The following NKAIN3 variants were observed in gnomAD, a reference collection of about 807,000 sequenced individuals.
The protein encoded by NKAIN3 is sodium/potassium-transporting ATPase subunit beta-1-interacting protein 3.
NKAIN3 carries 25 observed loss-of-function variants against 30.2 expected under a neutral mutation model. The ratio of observed to expected loss-of-function variants is 0.83; its 90% CI spans 0.60 to 1.16. NKAIN3 has a LOEUF of 1.16. Among genes scored for constraint, NKAIN3 ranks in the 50% most tolerant of loss-of-function variants. NKAIN3 has a pLI of 0.00. For synonymous variants in NKAIN3, 91 were observed against 89.6 expected (o/e 1.02, Z -0.09); for missense variants, 225 against 254.1 (o/e 0.89, Z 0.78).
chr8:62,498,180 GT>G, intron 1 of NKAIN3, among the ~76,000 whole-genome samples: 1 of 152,182 alleles, frequency 6.6e-6, no homozygotes, highest in Non-Finnish European at 1.5e-5. Flanking sequence ...ATCCCTGGTT[GT>G]TTTGTCAAAC....
At chr8:62,925,884 T>C (rs1822426789) in intron 5 of NKAIN3, among the ~76,000 whole-genome samples, 1 of 152,120 alleles carries the variant, frequency 6.6e-6, no homozygotes, top group Admixed American at 6.5e-5. Context: ...GCCTCAGCAC[T>C]AAAACAGGCC....
At chr8:62,561,562 G>A (rs1809578348) in intron 1 of NKAIN3, among the ~76,000 whole-genome samples, 1 of 152,124 alleles carries the variant, frequency 6.6e-6, no homozygotes, top group African/African-American at 2.4e-5. Context: ...CCATACTGTG[G>A]TGTAAAAATC....
chr8:62,872,587 T>G (rs1194884498), intron 4 of NKAIN3, among the ~76,000 whole-genome samples: 1 of 152,230 alleles, frequency 6.6e-6, no homozygotes, highest in Non-Finnish European at 1.5e-5. Flanking sequence ...TTGAGCATTG[T>G]GTTACCATTG....
intron 4 of NKAIN3, among the ~76,000 whole-genome samples, chr8:62,870,027 C>T (rs1820550043): frequency 6.6e-6 from 1 of 151,558 alleles, no homozygotes; most frequent in Admixed American, 6.6e-5. Flanking sequence ...GCGTCGGCCT[C>T]CCAAAGTGCT....
In NKAIN3 at chr8:62,982,466, C is replaced by G. The variant is rs536834882; in HGVS notation, c.*17059C>G. ...TGTTAAATAATTAGATTTGTGTAAA[C>G]TATATTTTAGAGTCTTCCAAAACGC... On this transcript the variant is annotated 3_prime_UTR_variant, in exon 7 of 7. Transcript: ENST00000623646. 23 of 152,250 alleles carry G rather than the reference C, an allele frequency of 1.5e-4. No individual in the cohort carries two copies. Among genetic ancestry groups the G allele is most frequent in the African/African-American group, 5.3e-4 (22 of 41,566 alleles). 9.4% of individuals were successfully genotyped at this position (152,250 alleles called of 1,614,324 possible).
intron 1 of NKAIN3, among the ~76,000 whole-genome samples, chr8:62,565,593 T>G (rs1454032864): frequency 6.6e-6 from 1 of 152,140 alleles, no homozygotes; most frequent in Non-Finnish European, 1.5e-5. Flanking sequence ...AGTCTGAATA[T>G]CTCCTACTAC....
chr8:62,899,140 A>C (rs1324925693), intron 4 of NKAIN3, among the ~76,000 whole-genome samples: 1 of 152,234 alleles, frequency 6.6e-6, no homozygotes, highest in African/African-American at 2.4e-5. Context: ...TGGGAATGTA[A>C]ATTAGTACAG....
At chr8:62,684,866 C>T (rs1295792221) in intron 3 of NKAIN3, among the ~76,000 whole-genome samples, 4 of 152,138 alleles carry the variant, frequency 2.6e-5, no homozygotes, top group Non-Finnish European at 5.9e-5. Flanking sequence ...TGGCCAGCTA[C>T]AAGACAAGTT....
At chr8:62,634,025 T>C (rs1345743421) in intron 3 of NKAIN3, among the ~76,000 whole-genome samples, 1 of 152,150 alleles carries the variant, frequency 6.6e-6, no homozygotes, top group Non-Finnish European at 1.5e-5. Context: ...GTATGCTCAA[T>C]TTAACTGAAA....
chr8:62,897,008 A>G (rs1186789790), intron 4 of NKAIN3, among the ~76,000 whole-genome samples: 8 of 147,000 alleles, frequency 5.4e-5, no homozygotes, highest in African/African-American at 1.8e-4. Flanking sequence ...ATCAAATTAT[A>G]TTTTTGTAAG....
chr8:62,637,867 A>G (rs1366743046), intron 3 of NKAIN3, among the ~76,000 whole-genome samples: 1 of 152,072 alleles, frequency 6.6e-6, no homozygotes, highest in Non-Finnish European at 1.5e-5. Flanking sequence ...TGAGATATGC[A>G]ACCTATTTTA....
chr8:62,934,794 C>T lies in NKAIN3; in HGVS notation c.532+16281C>T, dbSNP rs144370248. ...CTCTCTGGAGTGACTTGAAATGACA[C>T]GACAGGAGAGAGATCTTATCTCATG... is the stretch of plus-strand genomic sequence containing the variant. On this transcript the variant is annotated intron_variant, in intron 5 of 6. Coordinates refer to ENST00000623646, the MANE Select transcript of NKAIN3 (RefSeq NM_001304533.3). Among the ~76,000 whole-genome samples, 295 of 152,124 alleles carry T rather than the reference C, an allele frequency of 1.9e-3. 2 individuals are homozygous for T. The highest frequency in any genetic ancestry group is 6.8e-3 in the Middle Eastern group (2 of 292).
chr8:62,788,415 T>C (rs1817593254), intron 4 of NKAIN3, among the ~76,000 whole-genome samples: 1 of 152,182 alleles, frequency 6.6e-6, no homozygotes, highest in African/African-American at 2.4e-5. Flanking sequence ...TTGGAGTTCA[T>C]TGTAGATTCT....
chr8:62,733,620 A>C (rs992332073), intron 3 of NKAIN3, among the ~76,000 whole-genome samples: 1 of 152,054 alleles, frequency 6.6e-6, no homozygotes, highest in African/African-American at 2.4e-5. Flanking sequence ...TGGATGTGAA[A>C]ATGTCTACCA....
intron 1 of NKAIN3, among the ~76,000 whole-genome samples, chr8:62,447,514 T>C (rs888479345): frequency 3.3e-5 from 5 of 152,048 alleles, no homozygotes; most frequent in Non-Finnish European, 7.4e-5. Flanking sequence ...TTGCTAGCAC[T>C]TTTGTCAGTA....
At chr8:62,544,280 G>A (rs1199359922) in intron 1 of NKAIN3, among the ~76,000 whole-genome samples, 1 of 152,118 alleles carries the variant, frequency 6.6e-6, no homozygotes, top group African/African-American at 2.4e-5. Context: ...TGGGATTACA[G>A]CTGTGAGCCA....
intron 3 of NKAIN3, among the ~76,000 whole-genome samples, chr8:62,611,239 G>T (rs1395915953): frequency 6.6e-6 from 1 of 151,894 alleles, no homozygotes; most frequent in Non-Finnish European, 1.5e-5. Context: ...TTTGATACAG[G>T]CATGAAATAT....
At chr8:62,861,564 A>C (rs553767367) in intron 4 of NKAIN3, among the ~76,000 whole-genome samples, 1 of 152,200 alleles carries the variant, frequency 6.6e-6, no homozygotes, top group African/African-American at 2.4e-5. Flanking sequence ...AAAAGAAAAC[A>C]AAATATACTG....
chr8:62,632,605 C>T (rs770146734), intron 3 of NKAIN3, among the ~76,000 whole-genome samples: 4 of 152,006 alleles, frequency 2.6e-5, no homozygotes, highest in African/African-American at 4.8e-5. Context: ...CAGGTTCAAG[C>T]GATTCTCCTT....
Sources: gnomAD v4.1 joint callset for allele counts (sites outside exome capture counted in the v4.1 genomes callset) on GRCh38, gnomAD v4.1.1 for gene constraint, MANE v1.5 for transcripts, NCBI Gene and HGNC (gene_info 2026-07-23, HGNC 2026-07-21) for gene names.